Variants in EXOC4 observed in about 807,000 individuals in gnomAD.
EXOC4 encodes SEC8-like 1.
Under a neutral mutation model 107.2 loss-of-function variants are expected in EXOC4, and 71 were observed. The observed-to-expected ratio is 0.66, with a 90% CI of 0.55 to 0.81. The LOEUF is 0.81. Among genes scored for constraint, EXOC4 ranks in the 30% least tolerant of loss-of-function variants. The pLI, the probability that EXOC4 is intolerant of heterozygous loss-of-function variation, is 0.00. For missense variants in EXOC4, 1,108 were observed against 1,189.6 expected (o/e 0.93, Z 1.01); for synonymous variants, 456 against 441.2 (o/e 1.03, Z -0.42).
chr7:133,652,589 A>G (rs1261709941), intron 10 of EXOC4, among the ~76,000 whole-genome samples: 1 of 152,084 alleles, frequency 6.6e-6, no homozygotes, highest in Non-Finnish European at 1.5e-5. Flanking sequence ...TACAAAGAGG[A>G]GTAGTGGGGA....
chr7:133,738,410 C>T (rs1795493703), intron 10 of EXOC4, among the ~76,000 whole-genome samples: 1 of 152,104 alleles, frequency 6.6e-6, no homozygotes, highest in African/African-American at 2.4e-5. Flanking sequence ...TAGCATGGTG[C>T]TTACTTAGTG....
At chr7:133,368,218 A>G (rs1484120436) in intron 6 of EXOC4, among the ~76,000 whole-genome samples, 1 of 152,184 alleles carries the variant, frequency 6.6e-6, no homozygotes, top group African/African-American at 2.4e-5. Flanking sequence ...TCATTGTAAT[A>G]GTTTGTTTGG....
intron 17 of EXOC4, among the ~76,000 whole-genome samples, chr7:134,044,048 C>G (rs1157876263): frequency 6.6e-6 from 1 of 152,134 alleles, no homozygotes; most frequent in Non-Finnish European, 1.5e-5. Context: ...GGGTTGAACC[C>G]TAACTCTATT....
At chr7:133,415,050 A>T (rs1797444013) in intron 7 of EXOC4, among the ~76,000 whole-genome samples, 1 of 152,130 alleles carries the variant, frequency 6.6e-6, no homozygotes, top group Non-Finnish European at 1.5e-5. Context: ...GTCTTTAATG[A>T]CAGGCTTCTT....
intron 10 of EXOC4, among the ~76,000 whole-genome samples, chr7:133,718,283 A>G (rs1393632235): frequency 2.2e-4 from 33 of 152,164 alleles, no homozygotes; most frequent in Non-Finnish European, 4.4e-5. Context: ...ATGAGGAAGC[A>G]TTCTTATTGG....
At chr7:133,384,004 G>A (rs1296636244) in intron 7 of EXOC4, among the ~76,000 whole-genome samples, 1 of 152,036 alleles carries the variant, frequency 6.6e-6, no homozygotes, top group Non-Finnish European at 1.5e-5. Context: ...TTCTAAATTC[G>A]AGTTTGTTTC....
chr7:133,898,688 G>A (rs35208100), intron 12 of EXOC4, among the ~76,000 whole-genome samples: 41,300 of 145,564 alleles, frequency 0.28, 5,722 homozygotes, highest in South Asian at 0.42. Context: ...GGAGCTTGCA[G>A]TGAGCAGAGA....
intron 11 of EXOC4, among the ~76,000 whole-genome samples, chr7:133,879,092 A>G (rs912867636): frequency 2.0e-5 from 3 of 152,092 alleles, no homozygotes; most frequent in Non-Finnish European, 4.4e-5. Context: ...ATTAGGGGCC[A>G]CAAAATGGTT....
intron 9 of EXOC4, among the ~76,000 whole-genome samples, chr7:133,576,295 G>A (rs967686347): frequency 6.6e-6 from 1 of 152,076 alleles, no homozygotes; most frequent in African/African-American, 2.4e-5. Context: ...TACACATATG[G>A]CCTAGAATGA....
chr7:133,649,847 G>A (rs1365269087), intron 10 of EXOC4, among the ~76,000 whole-genome samples: 1 of 152,118 alleles, frequency 6.6e-6, no homozygotes, highest in African/African-American at 2.4e-5. Flanking sequence ...TCATTGGAAT[G>A]AACCTCAGTG....
chr7:134,097,805 C>T, the EXOC4 span, among the ~76,000 whole-genome samples: 5 of 152,158 alleles, frequency 3.3e-5, no homozygotes, highest in African/African-American at 1.2e-4. Flanking sequence ...TGGTCCATTG[C>T]ATGAAGAGTT....
At chr7:133,477,852 T>C (rs1177936837) in intron 8 of EXOC4, among the ~76,000 whole-genome samples, 1 of 152,182 alleles carries the variant, frequency 6.6e-6, no homozygotes, top group Admixed American at 6.5e-5. Flanking sequence ...AGCTCTAGGA[T>C]TGGGTCGTAA....
chr7:133,663,196 A>G (rs998527525), intron 10 of EXOC4, among the ~76,000 whole-genome samples: 1 of 152,000 alleles, frequency 6.6e-6, no homozygotes, highest in Non-Finnish European at 1.5e-5. Context: ...GACTCCCTTC[A>G]CTTAGCTGCC....
chr7:133,984,212 C>G (rs1029592454), intron 14 of EXOC4, among the ~76,000 whole-genome samples: 1 of 152,220 alleles, frequency 6.6e-6, no homozygotes, highest in Non-Finnish European at 1.5e-5. Flanking sequence ...TTTCTCTCTG[C>G]AGAGCTGTGC....
intron 9 of EXOC4, among the ~76,000 whole-genome samples, chr7:133,565,236 C>T (rs959847199): frequency 6.6e-6 from 1 of 152,110 alleles, no homozygotes; most frequent in Non-Finnish European, 1.5e-5. Flanking sequence ...TTAGTTTGCT[C>T]TCCGAAGCAT....
chr7:133,298,609 T>C (rs756550735), intron 3 of EXOC4, among the ~76,000 whole-genome samples: 1 of 152,162 alleles, frequency 6.6e-6, no homozygotes, highest in Non-Finnish European at 1.5e-5. Flanking sequence ...TAAGCTTTCC[T>C]ATGAGCAGTT....
At chr7:133,307,172 A>G (rs1314005214) in intron 4 of EXOC4, among the ~76,000 whole-genome samples, 1 of 152,166 alleles carries the variant, frequency 6.6e-6, no homozygotes, top group African/African-American at 2.4e-5. Flanking sequence ...AAAAACGCCA[A>G]ATTTGCTTGT....
rs1396748027 is a variant in EXOC4 at position 133,723,128 on chromosome 7, TTG to T, written c.1514+92990_1514+92991del. On this transcript the variant is annotated intron_variant, in intron 10 of 17. Transcript: ENST00000253861. ...AAAGCTGCCAGATGAGTGAATATAT[TTG>T]TGCTACATGTCTGTTGCTCATTAAA... Among the ~76,000 whole-genome samples, 3 of 152,358 alleles carry T rather than the reference TTG, an allele frequency of 2.0e-5. No individual in the cohort carries two copies. The East Asian group carries it at 5.8e-4, about 29-fold the overall frequency.
chr7:133,465,177 A>C (rs1341473196), intron 7 of EXOC4, among the ~76,000 whole-genome samples: 1 of 152,168 alleles, frequency 6.6e-6, no homozygotes, highest in African/African-American at 2.4e-5. Context: ...AGTTGAAAAG[A>C]AAAGGGGAGA....
Sources: allele counts gnomAD v4.1 joint callset (sites outside exome capture counted in the v4.1 genomes callset), GRCh38; gene constraint gnomAD v4.1.1; transcripts MANE v1.5; gene names NCBI Gene and HGNC (gene_info 2026-07-23, HGNC 2026-07-21).